The following PIK3C2G variants were observed in gnomAD, a reference collection of about 807,000 sequenced individuals.
PIK3C2G encodes the protein phosphatidylinositol-4-phosphate 3-kinase catalytic subunit type 2 gamma.
Under a neutral mutation model 181.1 loss-of-function variants are expected in PIK3C2G, and 168 were observed. The ratio of observed to expected loss-of-function variants is 0.93; its 90% CI spans 0.82 to 1.05. The LOEUF (loss-of-function observed/expected upper bound fraction) is 1.05, where lower values mean the gene tolerates loss of function less well. Among genes scored for constraint, PIK3C2G ranks in the 50% least tolerant of loss-of-function variants. PIK3C2G has a pLI of 0.00. For synonymous variants in PIK3C2G, 573 were observed against 592.2 expected (o/e 0.97, Z 0.47); for missense variants, 1,869 against 1,732.8 (o/e 1.08, Z -1.40).
At chr12:18,668,727 T>C in the PIK3C2G span, among the ~76,000 whole-genome samples, 1 of 152,130 alleles carries the variant, frequency 6.6e-6, no homozygotes, top group Non-Finnish European at 1.5e-5. Context: ...ACTCTCTGGG[T>C]AGAAGTGCTC....
intron 24 of PIK3C2G, among the ~76,000 whole-genome samples, chr12:18,529,064 A>C (rs555382123): frequency 6.6e-6 from 1 of 150,448 alleles, no homozygotes; most frequent in Admixed American, 6.6e-5. Context: ...GGAAGATGCC[A>C]TGATATTCCC....
chr12:18,481,427 C>A (rs1754223036), intron 18 of PIK3C2G, among the ~76,000 whole-genome samples: 1 of 152,154 alleles, frequency 6.6e-6, no homozygotes, highest in African/African-American at 2.4e-5. Flanking sequence ...CCATAGCTAC[C>A]AGCTGACCCT....
upstream of PIK3C2G, among the ~76,000 whole-genome samples, chr12:18,257,263 C>T (rs1025805386): frequency 2.6e-5 from 4 of 152,018 alleles, no homozygotes; most frequent in Admixed American, 6.6e-5. Flanking sequence ...AGAAAAGATA[C>T]GGGGTGACAA....
intron 29 of PIK3C2G, among the ~76,000 whole-genome samples, chr12:18,593,172 G>A (rs1297604383): frequency 6.6e-6 from 1 of 151,852 alleles, no homozygotes; most frequent in East Asian, 1.9e-4. Flanking sequence ...CTCTACTCAA[G>A]TATTACCCCA....
chr12:18,405,884 A>G (rs1008146392), intron 16 of PIK3C2G, among the ~76,000 whole-genome samples: 4 of 152,208 alleles, frequency 2.6e-5, no homozygotes, highest in African/African-American at 9.6e-5. Context: ...TTTTGTGTTT[A>G]GAATGTTAAA....
chr12:18,641,533 T>C (rs973314018), intron 32 of PIK3C2G, among the ~76,000 whole-genome samples: 3 of 152,078 alleles, frequency 2.0e-5, no homozygotes, highest in Admixed American at 2.0e-4. Flanking sequence ...TACCACTTAT[T>C]TCCATTTCTC....
At chr12:18,276,654 T>C (rs1948999907) in intron 1 of PIK3C2G, among the ~76,000 whole-genome samples, 1 of 152,166 alleles carries the variant, frequency 6.6e-6, no homozygotes, top group Non-Finnish European at 1.5e-5. Context: ...ATTCCTATAT[T>C]GTACTGTAAT....
chr12:18,620,492 T>G (rs140524621), intron 31 of PIK3C2G, among the ~76,000 whole-genome samples: 8 of 151,922 alleles, frequency 5.3e-5, no homozygotes, highest in Non-Finnish European at 1.2e-4. Flanking sequence ...GTGGGCTTCT[T>G]GTGCATATGA....
intron 18 of PIK3C2G, among the ~76,000 whole-genome samples, chr12:18,471,390 T>A (rs1490535002): frequency 6.6e-6 from 1 of 152,164 alleles, no homozygotes; most frequent in African/African-American, 2.4e-5. Context: ...AGAACAAATC[T>A]ACCTTTTGGC....
chr12:18,491,503 A>C lies in PIK3C2G; in HGVS notation c.2738A>C (p.Asn913Thr), dbSNP rs369990386. The C allele has an allele frequency of 6.2e-7, 1 of 1,610,278 alleles. No individual in the cohort carries two copies. The highest frequency in any genetic ancestry group is 8.5e-7 in the Non-Finnish European group (1 of 1,176,786). Residue 913 changes from asparagine (N) to threonine (T), a missense_variant, in exon 20 of 33, where the codon AAT becomes ACT. Transcript: ENST00000538779. Reference sequence around the variant, plus strand: ...CTAGAAGAGTTCTTTCAAGATGTAAATACTTGTCATCTTCCTCTGAACCCT... The same window carrying C: ...CTAGAAGAGTTCTTTCAAGATGTAACTACTTGTCATCTTCCTCTGAACCCT... ...GRLEEFFQDV[N>T]TCHLPLNPAL...
At chr12:18,279,503 C>T (rs1466802212) in intron 1 of PIK3C2G, among the ~76,000 whole-genome samples, 1 of 151,898 alleles carries the variant, frequency 6.6e-6, no homozygotes, top group Non-Finnish European at 1.5e-5. Context: ...GTTTTGAAAG[C>T]ATCAAAAATT....
Position 18,314,209 on chromosome 12 carries a change from A to C in PIK3C2G, c.1137+145A>C. 5.1e-6 allele frequency: 3 copies of C among 586,356 alleles called. No homozygotes were observed. In the South Asian group the frequency reaches 6.8e-5, roughly 13 times the overall value. The allele number at this position is 586,356 out of a possible 1,614,324, so 36.3% of individuals were successfully genotyped here. A position where few individuals can be genotyped will look rare whatever the true frequency, so the allele number is the denominator to read the frequency against. On this transcript the variant is annotated intron_variant, in intron 6 of 32. Transcript: ENST00000538779. ...AATATATTCATTGAAACATGATGAA[A>C]TATCTTATCTAAATATAAATACCTG...
At position 18,290,912 on chromosome 12, in the gene PIK3C2G, C is replaced by G; in HGVS notation, c.819C>G (p.Ser273Arg). ...ATTTCAATTCTGGGAAGATCTGGAG[C>G]ACTACTACAGCATTTCCGTATCAGC... Reference protein sequence around the residue: ...DVNFNSGKIWSTTTAFPYQLF... With the variant: ...DVNFNSGKIWRTTTAFPYQLF... Residue 273 changes from serine (S) to arginine (R), a missense_variant, in exon 4 of 33, where the codon AGC (serine) becomes AGG (arginine). Ser to Arg is a moderately radical substitution (Grantham distance 110). Transcript: ENST00000538779. 6.3e-7 allele frequency: 1 copy of G among 1,593,236 alleles called. No individual in the cohort carries two copies. Among genetic ancestry groups the G allele is most frequent in the Non-Finnish European group, 8.6e-7 (1 of 1,161,208 alleles).
intron 18 of PIK3C2G, among the ~76,000 whole-genome samples, chr12:18,469,619 A>T (rs1241478766): frequency 6.6e-6 from 1 of 151,636 alleles, no homozygotes; most frequent in Non-Finnish European, 1.5e-5. Context: ...CTTACAACTA[A>T]TTTCCCCAAA....
intron 5 of PIK3C2G, among the ~76,000 whole-genome samples, chr12:18,307,162 C>A (rs1490204724): frequency 6.8e-6 from 1 of 148,050 alleles, no homozygotes. Flanking sequence ...AAACATATTG[C>A]CTCAGAAATA....
chr12:18,317,657 T>C (rs989527006), intron 6 of PIK3C2G, among the ~76,000 whole-genome samples: 64 of 152,344 alleles, frequency 4.2e-4, no homozygotes, highest in African/African-American at 1.4e-3. Context: ...GGGCTAGTGA[T>C]AGTGCTTGTT....
chr12:18,559,298 C>T (rs544779785), intron 26 of PIK3C2G, among the ~76,000 whole-genome samples: 15 of 152,060 alleles, frequency 9.9e-5, no homozygotes, highest in Non-Finnish European at 1.5e-4. Flanking sequence ...ACATTTATGA[C>T]AAAACTAGGC....
At chr12:18,652,737 C>T (rs1379983471), downstream of PIK3C2G, among the ~76,000 whole-genome samples, 2 of 152,148 alleles carry the variant, frequency 1.3e-5, no homozygotes, top group African/African-American at 4.8e-5. Context: ...AAAGTTCCTT[C>T]AGGCTTTTTA....
At chr12:18,289,887 T>TAA (rs11427751) in intron 3 of PIK3C2G, among the ~76,000 whole-genome samples, 10 of 151,968 alleles carry the variant, frequency 6.6e-5, no homozygotes, top group South Asian at 2.1e-4. Context: ...ATAGTTAACA[T>TAA]AAAAAAAACA....
Sources: allele counts gnomAD v4.1 joint callset (sites outside exome capture counted in the v4.1 genomes callset), GRCh38; gene constraint gnomAD v4.1.1; transcripts MANE v1.5; gene names NCBI Gene and HGNC (gene_info 2026-07-23, HGNC 2026-07-21).